ABCA8: variants seen among roughly 807,000 people sequenced by gnomAD.
ABCA8 encodes the protein ABC-type organic anion transporter ABCA8.
Under a neutral mutation model 192.3 loss-of-function variants are expected in ABCA8, and 177 were observed. The ratio of observed to expected loss-of-function variants is 0.92; its 90% CI spans 0.81 to 1.04. The LOEUF (loss-of-function observed/expected upper bound fraction) is 1.04. Ranked by LOEUF, ABCA8 falls within the 50% of genes least tolerant of loss-of-function variation. The probability of loss-of-function intolerance (pLI) is 0.00; values close to 1 mark genes in which losing one functional copy is unlikely to be tolerated. For missense variants in ABCA8, 1,915 were observed against 1,904.8 expected (o/e 1.01, Z -0.10); for synonymous variants, 642 against 690.2 (o/e 0.93, Z 1.09).
Position 68,903,353 on chromosome 17 carries a change from C to T in ABCA8, c.2545G>A (p.Ala849Thr), listed in dbSNP as rs760008009. ...ALWRQQICAI[A>T]RVRLLKLKHE... ...TTTAACTTTAACAAGCGAACCCTTG[C>T]AATTGCGCAGATTTGCTGTCGCCAG... The change falls in exon 20 of 40, where the codon GCA becomes ACA. Residue 849 changes from alanine (A) to threonine (T), a missense_variant. Ala to Thr is a moderately conservative substitution (Grantham distance 58). Coordinates refer to ENST00000586539, the MANE Select transcript of ABCA8 (RefSeq NM_001288985.2). The T allele has an allele frequency of 6.8e-6, 11 of 1,614,072 alleles. No homozygotes were observed. The Admixed American group carries it at 1.7e-4, about 24-fold the overall frequency.
At chr17:68,891,672 T>C in intron 23 of ABCA8, 76 bp from the exon 24 acceptor site, 1 of 1,093,470 alleles carries the variant, frequency 9.1e-7, no homozygotes, top group South Asian at 1.4e-5. Flanking sequence ...TTTTAAAATT[T>C]TAGACTAAGT....
chr17:68,877,729 G>C (rs1440875964), intron 32 of ABCA8, 50 bp from the exon 33 acceptor site: 7 of 1,535,490 alleles, frequency 4.6e-6, no homozygotes, highest in Non-Finnish European at 6.2e-6. Flanking sequence ...CTGCTTCTTT[G>C]AGTATTTCCA....
At chr17:68,912,795 A>C (rs1277735007) in intron 17 of ABCA8, among the ~76,000 whole-genome samples, 1 of 152,120 alleles carries the variant, frequency 6.6e-6, no homozygotes, top group African/African-American at 2.4e-5. Flanking sequence ...GACCCAATAC[A>C]ATAATAATAG....
chr17:68,902,632 A>G (rs2066943022), intron 21 of ABCA8, 81 bp downstream of exon 21: 2 of 1,218,444 alleles, frequency 1.6e-6, no homozygotes, highest in Middle Eastern at 2.0e-4. Flanking sequence ...GTGAAAAGCT[A>G]TTTTCTTTCT....
At chr17:68,894,763 T>A in intron 22 of ABCA8, 117 bp downstream of exon 22, 1 of 1,163,024 alleles carries the variant, frequency 8.6e-7, no homozygotes, top group Non-Finnish European at 1.2e-6. Context: ...ATTCACTAAG[T>A]AATAAATGAA....
At chr17:68,948,190 G>A (rs916474967) in intron 2 of ABCA8, among the ~76,000 whole-genome samples, 3 of 152,002 alleles carry the variant, frequency 2.0e-5, no homozygotes, top group Admixed American at 2.0e-4. Flanking sequence ...ATTGTAAATA[G>A]TGCTGCAATA....
intron 21 of ABCA8, among the ~76,000 whole-genome samples, chr17:68,901,621 C>T (rs2066914925): frequency 6.6e-6 from 1 of 152,066 alleles, no homozygotes; most frequent in Non-Finnish European, 1.5e-5. Context: ...TCCTGGCCAA[C>T]ATGGTGAAAC....
In ABCA8 at chr17:68,906,172, T is replaced by C; in HGVS notation, c.2279-9A>G. The C allele has an allele frequency of 6.4e-7, 1 of 1,552,418 alleles. No individual in the cohort carries two copies. On this transcript the variant is annotated splice_polypyrimidine_tract_variant and intron_variant, in intron 18 of 39. Transcript: ENST00000586539. ...AAGATCCTTGTAAAGTTCTAAAGAA[T>C]ACATATACAGCAGTGAATTAAAACA...
intron 13 of ABCA8, 104 bp from the exon 14 acceptor site, chr17:68,919,580 A>C: frequency 9.8e-7 from 1 of 1,015,706 alleles, no homozygotes; most frequent in South Asian, 1.8e-5. Context: ...CAGTTTATAC[A>C]ATTCAGGCAT....
intron 21 of ABCA8, 54 bp from the exon 22 acceptor site, chr17:68,895,067 A>G (rs2066711405): frequency 6.8e-7 from 1 of 1,477,756 alleles, no homozygotes; most frequent in African/African-American, 1.4e-5. Context: ...ATTAATGTCA[A>G]GTTGTGTAGT....
intron 11 of ABCA8, 99 bp from the exon 12 acceptor site, chr17:68,922,399 T>G: frequency 1.2e-6 from 1 of 854,576 alleles, no homozygotes; most frequent in Non-Finnish European, 1.7e-6. Flanking sequence ...TCAGGATACA[T>G]GAAGATCTGG....
chr17:68,884,458 A>T, intron 27 of ABCA8, 62 bp from the exon 28 acceptor site: 1 of 1,516,028 alleles, frequency 6.6e-7, no homozygotes, highest in Middle Eastern at 1.8e-4. Flanking sequence ...TTGTCCACAT[A>T]TACGTGAATT....
intron 27 of ABCA8, 95 bp downstream of exon 27, chr17:68,885,101 C>T: frequency 7.2e-7 from 1 of 1,384,168 alleles, no homozygotes; most frequent in Non-Finnish European, 9.7e-7. Flanking sequence ...ACCCCATGCA[C>T]TTTAAACATG....
In ABCA8 at chr17:68,932,371, G is replaced by A. The variant is rs766681805; in HGVS notation, c.714C>T (p.Tyr238=). The A allele has an allele frequency of 1.2e-6, 2 of 1,613,976 alleles. No individual in the cohort carries two copies. Among genetic ancestry groups the A allele is most frequent in the South Asian group, 1.1e-5 (1 of 91,070 alleles). Residue 238 remains tyrosine, a synonymous_variant, in exon 7 of 40, where the codon TAC becomes TAT. Transcript: ENST00000586539. ...CTCTTGTGACATTAACAGATGCATAGTAAATGAATGAGGAAAATGAAATAA... is the reference window on the plus strand; with the variant it reads ...CTCTTGTGACATTAACAGATGCATAATAAATGAATGAGGAAAATGAAATAA... ...SCIISFSSFI[Y]YASVNVTRER...
intron 10 of ABCA8, 129 bp from the exon 11 acceptor site, chr17:68,924,998 C>T: frequency 1.3e-6 from 1 of 797,300 alleles, no homozygotes; most frequent in Non-Finnish European, 1.9e-6. Flanking sequence ...GCAGGTAATG[C>T]ACGTTTTGAC....
At chr17:68,917,650 G>A (rs148128211) in intron 16 of ABCA8, among the ~76,000 whole-genome samples, 199 bp from the exon 17 acceptor site, 31 of 152,134 alleles carry the variant, frequency 2.0e-4, no homozygotes, top group Admixed American at 9.8e-4. Context: ...ATCCCATCAG[G>A]GAGGTTAAAT....
rs538659431 is a variant in ABCA8 at position 68,886,925 on chromosome 17, T to A, written c.3429+92A>T. 15 of 703,372 alleles carry A rather than the reference T, an allele frequency of 2.1e-5. No individual in the cohort carries two copies. The South Asian group carries it at 3.8e-4, about 18-fold the overall frequency. The allele number at this position is 703,372 out of a possible 1,614,324, so 43.6% of individuals were successfully genotyped here. A position where few individuals can be genotyped will look rare whatever the true frequency, so the allele number is the denominator to read the frequency against. On this transcript the variant is annotated intron_variant, in intron 26 of 39. Transcript: ENST00000586539. ...ATCTTGTGTTTATTATAGACCATAA[T>A]ATTATCATCCTACAGAGGGCAAAAT...
rs2066350859 is a variant in ABCA8, at chr17:68,882,118, T to A, written c.3829-138A>T. 10 of 714,928 alleles carry A rather than the reference T, an allele frequency of 1.4e-5. No individual in the cohort carries two copies. The East Asian group carries it at 2.6e-4, about 18-fold the overall frequency. The allele number at this position is 714,928 out of a possible 1,614,324, so 44.3% of individuals were successfully genotyped here. On this transcript the variant is annotated intron_variant, in intron 30 of 39. Transcript: ENST00000586539. ...GAAGACCTTCTATTTGGTGACATGC[T>A]CCTTGGCCATGCCCTATCCTAACAC...
chr17:68,906,351 ATG>A (rs1270966857), intron 18 of ABCA8, among the ~76,000 whole-genome samples, 188 bp from the exon 19 acceptor site: 1 of 148,806 alleles, frequency 6.7e-6, no homozygotes, highest in African/African-American at 2.6e-5. Context: ...ATTTTACATC[ATG>A]TGTTACAACC....
Sources: allele counts gnomAD v4.1 joint callset (sites outside exome capture counted in the v4.1 genomes callset), GRCh38; gene constraint gnomAD v4.1.1; transcripts MANE v1.5; gene names NCBI Gene and HGNC (gene_info 2026-07-23, HGNC 2026-07-21).